The following TENM4 variants were observed in gnomAD, a reference collection of about 807,000 sequenced individuals.
The protein encoded by TENM4 is teneurin-4.
TENM4 carries 82 observed loss-of-function variants against 243.3 expected under a neutral mutation model. That is an observed-to-expected ratio of 0.34 (90% CI 0.28 to 0.40). The LOEUF (loss-of-function observed/expected upper bound fraction) is 0.40, where lower values mean the gene tolerates loss of function less well. Among genes scored for constraint, TENM4 ranks in the 10% least tolerant of loss-of-function variants. The pLI, the probability that TENM4 is intolerant of heterozygous loss-of-function variation, is 1.00. For missense variants in TENM4, 3,138 were observed against 3,673.3 expected, an observed-to-expected ratio of 0.85 and a Z score of 3.77; for synonymous variants, 1,412 against 1,456.3, an observed-to-expected ratio of 0.97 and a Z score of 0.69.
intron 9 of TENM4, among the ~76,000 whole-genome samples, chr11:78,867,889 T>G (rs1259079270): frequency 1.3e-5 from 2 of 152,084 alleles, no homozygotes; most frequent in African/African-American, 2.4e-5. Context: ...CCAAGCTTCT[T>G]CTTTTATATA....
chr11:78,729,690 C>T (rs367951487), intron 21 of TENM4, 47 bp from the exon 22 acceptor site: 106 of 1,553,144 alleles, frequency 6.8e-5, no homozygotes, highest in Non-Finnish European at 8.5e-5. Flanking sequence ...GTCGACTCAC[C>T]GAGTGGAGGG....
chr11:79,080,208 A>G (rs1860631717), intron 4 of TENM4, among the ~76,000 whole-genome samples: 1 of 152,038 alleles, frequency 6.6e-6, no homozygotes, highest in African/African-American at 2.4e-5. Context: ...GGTTTGTCCA[A>G]CCTCGTTCCC....
At chr11:79,411,257 G>C (rs1165573297) in intron 1 of TENM4, among the ~76,000 whole-genome samples, 1 of 152,176 alleles carries the variant, frequency 6.6e-6, no homozygotes, top group East Asian at 1.9e-4. Flanking sequence ...CTGTGACTGA[G>C]TATTGTCCTA....
At chr11:78,955,936 T>C (rs904667437) in intron 6 of TENM4, among the ~76,000 whole-genome samples, 2 of 152,122 alleles carry the variant, frequency 1.3e-5, no homozygotes, top group Admixed American at 1.3e-4. Flanking sequence ...CTTGTCTAAT[T>C]AAGGGAGGCA....
chr11:78,903,554 T>G (rs1591116112), intron 6 of TENM4, 31 bp from the exon 7 acceptor site: 1 of 1,541,650 alleles, frequency 6.5e-7, no homozygotes, highest in East Asian at 2.4e-5. Context: ...TCAGCGGCGG[T>G]GAGCTTGGTG....
At chr11:78,748,636 G>C (rs1338994766) in intron 19 of TENM4, among the ~76,000 whole-genome samples, 1 of 152,152 alleles carries the variant, frequency 6.6e-6, no homozygotes, top group African/African-American at 2.4e-5. Flanking sequence ...TGTTGGCTCT[G>C]CTATTACAAG....
intron 3 of TENM4, among the ~76,000 whole-genome samples, chr11:79,171,216 G>A (rs1278369094): frequency 2.0e-5 from 3 of 152,102 alleles, no homozygotes; most frequent in African/African-American, 7.2e-5. Context: ...CTAGAACCTT[G>A]GTATCTACAA....
chr11:78,974,136 T>C (rs912342060), intron 6 of TENM4, among the ~76,000 whole-genome samples: 20 of 152,308 alleles, frequency 1.3e-4, no homozygotes, highest in African/African-American at 4.8e-4. Flanking sequence ...GGTGTTCTTG[T>C]TGGCAAGTTC....
intron 19 of TENM4, among the ~76,000 whole-genome samples, chr11:78,743,971 T>C (rs1352346919): frequency 3.3e-5 from 5 of 152,242 alleles, no homozygotes; most frequent in Admixed American, 1.3e-4. Flanking sequence ...TTATTGATTA[T>C]GTAAATCACT....
intron 2 of TENM4, among the ~76,000 whole-genome samples, chr11:79,222,915 G>A (rs1047105721): frequency 6.6e-6 from 1 of 152,060 alleles, no homozygotes; most frequent in African/African-American, 2.4e-5. Context: ...TGTCAGATGG[G>A]TAGATTGGGA....
chr11:79,426,773 G>C (rs766727626), intron 1 of TENM4, among the ~76,000 whole-genome samples: 1 of 152,204 alleles, frequency 6.6e-6, no homozygotes, highest in African/African-American at 2.4e-5. Flanking sequence ...GTCTTTCAGG[G>C]AAGATGAGTT....
At chr11:78,732,979 C>T (rs1440606364) in intron 20 of TENM4, among the ~76,000 whole-genome samples, 1 of 152,196 alleles carries the variant, frequency 6.6e-6, no homozygotes. Flanking sequence ...GGTCCTGGCT[C>T]TGTCTTCAAC....
intron 2 of TENM4, among the ~76,000 whole-genome samples, chr11:79,232,944 ATTCCAGAT>A (rs1308781565): frequency 2.0e-5 from 3 of 152,192 alleles, no homozygotes; most frequent in Non-Finnish European, 4.4e-5. Flanking sequence ...AACAGGTGAA[ATTCCAGAT>A]TCACAGCACA....
intron 2 of TENM4, among the ~76,000 whole-genome samples, chr11:79,232,429 C>A (rs566727862): frequency 1.8e-3 from 280 of 152,352 alleles, no homozygotes; most frequent in African/African-American, 6.3e-3. Context: ...ACCCAACATG[C>A]ACTGACCCCA....
intron 6 of TENM4, among the ~76,000 whole-genome samples, chr11:78,937,833 T>C (rs1382266964): frequency 6.6e-6 from 1 of 152,248 alleles, no homozygotes; most frequent in African/African-American, 2.4e-5. Flanking sequence ...TTTTGGTCTC[T>C]GTTTCTGTTT....
intron 6 of TENM4, among the ~76,000 whole-genome samples, chr11:78,936,080 C>T (rs1856776726): frequency 6.6e-6 from 1 of 152,200 alleles, no homozygotes; most frequent in Non-Finnish European, 1.5e-5. Flanking sequence ...AAGTTTCATG[C>T]ACACGTTTCA....
At chr11:79,246,125 C>G (rs1855511476) in intron 2 of TENM4, among the ~76,000 whole-genome samples, 1 of 151,922 alleles carries the variant, frequency 6.6e-6, no homozygotes, top group South Asian at 2.1e-4. Context: ...AATGAGGGGG[C>G]CAGAAGCATG....
chr11:79,373,328 G>A (rs1052064649), intron 1 of TENM4, among the ~76,000 whole-genome samples: 1 of 104,794 alleles, frequency 9.5e-6, no homozygotes, highest in Non-Finnish European at 2.0e-5. Context: ...CTGGCTGGCT[G>A]GCTGGATGGA....
At chr11:79,105,796 G>C (rs1413989239) in intron 4 of TENM4, among the ~76,000 whole-genome samples, 2 of 152,252 alleles carry the variant, frequency 1.3e-5, no homozygotes, top group Admixed American at 1.3e-4. Context: ...CAGTTTGCAA[G>C]AGCAAGGTAA....
Sources: allele counts gnomAD v4.1 joint callset (sites outside exome capture counted in the v4.1 genomes callset), GRCh38; gene constraint gnomAD v4.1.1; transcripts MANE v1.5; gene names NCBI Gene and HGNC (gene_info 2026-07-23, HGNC 2026-07-21).